The following C1orf21 variants were observed in gnomAD, a reference collection of about 807,000 sequenced individuals.
C1orf21 encodes uncharacterized protein C1orf21.
A neutral mutation model predicts 18.7 loss-of-function variants in C1orf21; 3 were observed. The ratio of observed to expected loss-of-function variants is 0.16; its 90% CI spans 0.07 to 0.42. The LOEUF (loss-of-function observed/expected upper bound fraction) is 0.42, where lower values mean the gene tolerates loss of function less well. Among genes scored for constraint, C1orf21 ranks in the 10% least tolerant of loss-of-function variants. The pLI is 0.99. For missense variants in C1orf21, 104 were observed against 143.6 expected (o/e 0.72, Z 1.41); for synonymous variants, 41 against 46.4 (o/e 0.88, Z 0.47).
rs1245073826 is a variant in C1orf21 at position 184,625,339 on chromosome 1, G to T, written c.*5783G>T. On this transcript the variant is annotated 3_prime_UTR_variant, in exon 6 of 6. Transcript: ENST00000235307. Reference sequence around the variant, plus strand: ...ACTCTAAAGGGAGAGAATAGCCCCTGTGTCCTGGCATTTCAGTCTAGACCT... The same window carrying T: ...ACTCTAAAGGGAGAGAATAGCCCCTTTGTCCTGGCATTTCAGTCTAGACCT... 1 of 152,614 alleles carries T rather than the reference G, an allele frequency of 6.6e-6. No homozygotes were observed. The highest frequency in any genetic ancestry group is 1.9e-4 in the East Asian group (1 of 5,194). 9.5% of individuals were successfully genotyped at this position (152,614 alleles called of 1,614,324 possible). A position where few individuals can be genotyped will look rare whatever the true frequency, so the allele number is the denominator to read the frequency against.
chr1:184,465,098 C>T (rs1478314617), intron 1 of C1orf21, among the ~76,000 whole-genome samples: 2 of 152,154 alleles, frequency 1.3e-5, no homozygotes, highest in Non-Finnish European at 2.9e-5. Flanking sequence ...AATTAGGAAC[C>T]TTGACCTTAG....
chr1:184,521,856 A>G (rs185828845), intron 3 of C1orf21, among the ~76,000 whole-genome samples: 1 of 152,336 alleles, frequency 6.6e-6, no homozygotes, highest in East Asian at 1.9e-4. Context: ...AAACTTACTG[A>G]AGGAGATTGA....
intron 3 of C1orf21, among the ~76,000 whole-genome samples, chr1:184,570,044 C>T (rs1003385382): frequency 1.3e-5 from 2 of 152,162 alleles, no homozygotes; most frequent in African/African-American, 4.8e-5. Context: ...GGAAAAGCTG[C>T]CACTTAGTTA....
At chr1:184,506,159 C>T (rs1658058315) in intron 2 of C1orf21, among the ~76,000 whole-genome samples, 2 of 152,092 alleles carry the variant, frequency 1.3e-5, no homozygotes, top group Admixed American at 1.3e-4. Flanking sequence ...ACTAGTCTTT[C>T]TAATATCTTT....
intron 1 of C1orf21, among the ~76,000 whole-genome samples, chr1:184,429,914 C>G (rs1402866115): frequency 4.6e-5 from 7 of 151,980 alleles, no homozygotes; most frequent in Non-Finnish European, 8.8e-5. Context: ...CGAGACCATC[C>G]TAGCTAATAT....
intron 3 of C1orf21, among the ~76,000 whole-genome samples, chr1:184,573,805 C>T (rs1004161693): frequency 6.6e-6 from 1 of 152,004 alleles, no homozygotes; most frequent in Non-Finnish European, 1.5e-5. Context: ...TACAAACCTT[C>T]ACATGTACCC....
At chr1:184,427,788 A>G (rs1301642243) in intron 1 of C1orf21, among the ~76,000 whole-genome samples, 3 of 151,980 alleles carry the variant, frequency 2.0e-5, no homozygotes, top group African/African-American at 7.3e-5. Context: ...GCTTGGAAAA[A>G]TCTGTTTGGT....
intron 1 of C1orf21, among the ~76,000 whole-genome samples, chr1:184,411,508 G>A (rs868613389): frequency 2.2e-5 from 3 of 136,372 alleles, no homozygotes; most frequent in Middle Eastern, 4.3e-3. Context: ...TGCAAGCTCC[G>A]CCTCCCGGGT....
chr1:184,608,052 T>A (rs1659674979), intron 5 of C1orf21, among the ~76,000 whole-genome samples: 1 of 152,164 alleles, frequency 6.6e-6, no homozygotes, highest in Non-Finnish European at 1.5e-5. Context: ...TCTAAAATGA[T>A]ACCAAACATA....
intron 5 of C1orf21, among the ~76,000 whole-genome samples, chr1:184,610,796 C>T (rs1271672057): frequency 6.7e-6 from 1 of 148,998 alleles, no homozygotes; most frequent in Non-Finnish European, 1.5e-5. Context: ...TGTAGTGAGC[C>T]GAGATCGCCC....
chr1:184,411,566 C>T (rs1191206644), intron 1 of C1orf21, among the ~76,000 whole-genome samples: 2 of 151,898 alleles, frequency 1.3e-5, no homozygotes, highest in East Asian at 1.9e-4. Flanking sequence ...GGACTACAGG[C>T]GCCCGCCATC....
intron 2 of C1orf21, among the ~76,000 whole-genome samples, chr1:184,498,046 A>G (rs1279785487): frequency 6.6e-6 from 1 of 152,068 alleles, no homozygotes; most frequent in East Asian, 1.9e-4. Context: ...GCCTCGCTGT[A>G]TCTATTCTAT....
At chr1:184,604,994 G>A (rs1368498754) in intron 5 of C1orf21, among the ~76,000 whole-genome samples, 3 of 152,178 alleles carry the variant, frequency 2.0e-5, no homozygotes, top group African/African-American at 7.2e-5. Context: ...TGTGCATCAG[G>A]TGTGGCCAAC....
At chr1:184,529,248 A>G (rs983609856) in intron 3 of C1orf21, among the ~76,000 whole-genome samples, 5 of 151,988 alleles carry the variant, frequency 3.3e-5, no homozygotes, top group Non-Finnish European at 7.4e-5. Context: ...AATTAGTAAC[A>G]TTTCTTGAGT....
chr1:184,583,241 G>A (rs1436828513), intron 3 of C1orf21, among the ~76,000 whole-genome samples: 1 of 152,202 alleles, frequency 6.6e-6, no homozygotes, highest in East Asian at 1.9e-4. Context: ...CATAAGTATA[G>A]TGAGTTTGAC....
intron 1 of C1orf21, among the ~76,000 whole-genome samples, chr1:184,413,024 A>G (rs187645971): frequency 6.6e-6 from 1 of 152,306 alleles, no homozygotes; most frequent in East Asian, 1.9e-4. Flanking sequence ...GCATTGTGAG[A>G]CACCACGTTT....
intron 2 of C1orf21, among the ~76,000 whole-genome samples, chr1:184,501,605 C>G (rs528777591): frequency 4.6e-5 from 7 of 152,346 alleles, no homozygotes; most frequent in Admixed American, 2.0e-4. Flanking sequence ...GGACTGACTG[C>G]TTCCTTTCCT....
chr1:184,453,353 G>C (rs966245627), intron 1 of C1orf21, among the ~76,000 whole-genome samples: 1 of 152,158 alleles, frequency 6.6e-6, no homozygotes, highest in African/African-American at 2.4e-5. Flanking sequence ...TGACGGTTCT[G>C]ACGGTTCTGC....
chr1:184,441,221 C>T (rs777063451), intron 1 of C1orf21, among the ~76,000 whole-genome samples: 1 of 152,186 alleles, frequency 6.6e-6, no homozygotes, highest in Non-Finnish European at 1.5e-5. Context: ...CCTTGTTTCT[C>T]CCGTTTCTTA....
Sources: gnomAD v4.1 joint callset for allele counts (sites outside exome capture counted in the v4.1 genomes callset) on GRCh38, gnomAD v4.1.1 for gene constraint, MANE v1.5 for transcripts, NCBI Gene and HGNC (gene_info 2026-07-23, HGNC 2026-07-21) for gene names.